The following TXLNB variants were observed in gnomAD, a reference collection of about 807,000 sequenced individuals.
TXLNB encodes the protein taxilin beta.
In TXLNB, 37 loss-of-function variants were observed where a neutral mutation model predicts 57.4. The ratio of observed to expected loss-of-function variants is 0.64; its 90% CI spans 0.50 to 0.85. TXLNB has a LOEUF of 0.85. TXLNB is among the 40% of genes least tolerant of loss of function. TXLNB has a pLI of 0.00. For synonymous variants in TXLNB, 302 were observed against 309.6 expected (o/e 0.98, Z 0.26); for missense variants, 848 against 825.6 (o/e 1.03, Z -0.33).
chr6:139,174,693 A>C, the TXLNB span: 3 of 1,109,700 alleles, frequency 2.7e-6, no homozygotes, highest in Admixed American at 9.5e-5. Context: ...GTGGAATACT[A>C]TTCAGTCATT....
At chr6:139,272,828 G>T (rs1167280032) in intron 3 of TXLNB, among the ~76,000 whole-genome samples, 1 of 152,174 alleles carries the variant, frequency 6.6e-6, no homozygotes. Flanking sequence ...GAAGTCAGGA[G>T]ATGGAGACCA....
chr6:139,281,057 T>TA (rs911576977), intron 2 of TXLNB, among the ~76,000 whole-genome samples: 12 of 150,282 alleles, frequency 8.0e-5, no homozygotes, highest in African/African-American at 2.3e-4. Context: ...TTTATTTATT[T>TA]TTTTATTTTT....
At chr6:139,193,822 T>TTTTATA in the TXLNB span, among the ~76,000 whole-genome samples, 216 of 92,574 alleles carry the variant, frequency 2.3e-3, 2 homozygotes, top group South Asian at 8.3e-3. Flanking sequence ...CCTGGCTAAT[T>TTTTATA]TATATATATA....
At chr6:139,308,589 G>A in the TXLNB span, among the ~76,000 whole-genome samples, 1,201 of 152,224 alleles carry the variant, frequency 7.9e-3, 14 homozygotes, top group African/African-American at 0.028. Flanking sequence ...TATTGTGTAT[G>A]GACTATGTCG....
the TXLNB span, among the ~76,000 whole-genome samples, chr6:139,316,669 C>CA: frequency 6.6e-6 from 1 of 152,072 alleles, no homozygotes; most frequent in Non-Finnish European, 1.5e-5. Flanking sequence ...ACAAGAATAA[C>CA]AAAAAAGCCT....
Position 139,241,078 on chromosome 6 carries a change from C to T in TXLNB, c.*1448G>A, listed in dbSNP as rs1775922807. 1 of 152,114 alleles carries T rather than the reference C, an allele frequency of 6.6e-6. No individual in the cohort carries two copies. Among genetic ancestry groups the T allele is most frequent in the Non-Finnish European group, 1.5e-5 (1 of 68,038 alleles). 9.4% of individuals were successfully genotyped at this position (152,114 alleles called of 1,614,324 possible). On this transcript the variant is annotated 3_prime_UTR_variant, in exon 10 of 10. Transcript: ENST00000358430. The stretch of plus-strand genomic sequence containing the variant: ...CCTAGGTAATTTATGTTGTCAGTAT[C>T]ATTAGAGGTTCTCATCAAGCAATGT...
In TXLNB at chr6:139,242,900, G is replaced by A. The variant is rs1307791712; in HGVS notation, c.1681C>T (p.Pro561Ser). 3 of 1,614,046 alleles carry A rather than the reference G, an allele frequency of 1.9e-6. No homozygotes were observed. Among genetic ancestry groups the A allele is most frequent in the South Asian group, 1.1e-5 (1 of 91,092 alleles). ...CTGCCTCCTTCGGCTTCAGCCTGAG[G>A]AGTTAGGGGAGGCAGGGGACTCTCT... ...DSESPLPPLT[P>S]QAEAEGGSDA... The change falls in exon 10 of 10, where the codon CCT (proline) becomes TCT (serine). Residue 561 changes from proline (P) to serine (S), a missense_variant. Physicochemically the swap from Pro to Ser is moderately conservative, Grantham distance 74 (BLOSUM62 -1). Transcript: ENST00000358430.
Position 139,262,677 on chromosome 6 carries a change from C to T in TXLNB, c.784G>A (p.Glu262Lys), listed in dbSNP as rs1190887854. The T allele has an allele frequency of 3.7e-6, 6 of 1,614,164 alleles. No individual in the cohort carries two copies. Among genetic ancestry groups the T allele is most frequent in the South Asian group, 1.1e-5 (1 of 91,076 alleles). The change falls in exon 5 of 10, where the codon GAG (glutamate) becomes AAG (lysine). Residue 262 changes from glutamate to lysine, a missense_variant. Physicochemically the swap from Glu to Lys is moderately conservative, Grantham distance 56. Coordinates refer to ENST00000358430, the MANE Select transcript of TXLNB (RefSeq NM_153235.4). ...TTCATATTTCGCTCACTCTGCTGCT[C>T]GATCTGGCCCTGGATGTCCGTGAGG... Reference protein sequence around the residue: ...STLTDIQGQIEQQSERNMKLC... With the variant: ...STLTDIQGQIKQQSERNMKLC...
chr6:139,294,481 G>A (rs1175282699), upstream of TXLNB, among the ~76,000 whole-genome samples: 1 of 152,108 alleles, frequency 6.6e-6, no homozygotes, highest in Non-Finnish European at 1.5e-5. Context: ...GATGGTATGA[G>A]GAGGTGGGGC....
At chr6:139,253,424 G>A (rs888310007) in intron 7 of TXLNB, among the ~76,000 whole-genome samples, 3 of 152,168 alleles carry the variant, frequency 2.0e-5, no homozygotes, top group African/African-American at 4.8e-5. Flanking sequence ...TTTTGGAAAC[G>A]CTGAAAAGTC....
At chr6:139,219,439 G>A in the TXLNB span, among the ~76,000 whole-genome samples, 1 of 152,208 alleles carries the variant, frequency 6.6e-6, no homozygotes, top group Non-Finnish European at 1.5e-5. Flanking sequence ...GTATGTTTGG[G>A]CAAGCAGGAA....
downstream of TXLNB, among the ~76,000 whole-genome samples, chr6:139,235,078 T>A (rs945253427): frequency 1.3e-5 from 2 of 152,228 alleles, no homozygotes; most frequent in Non-Finnish European, 2.9e-5. Context: ...AGCCCCTTTG[T>A]TATGGCCAAT....
At chr6:139,295,517 C>T (rs1777372887), upstream of TXLNB, among the ~76,000 whole-genome samples, 1 of 152,168 alleles carries the variant, frequency 6.6e-6, no homozygotes, top group African/African-American at 2.4e-5. Context: ...TGTTCTTCCA[C>T]CTTCCTCCAA....
chr6:139,286,642 G>A (rs902132196), intron 2 of TXLNB, among the ~76,000 whole-genome samples: 5 of 152,190 alleles, frequency 3.3e-5, no homozygotes, highest in African/African-American at 1.2e-4. Flanking sequence ...AGGCGACAGA[G>A]CAAAACTTCA....
the TXLNB span, among the ~76,000 whole-genome samples, chr6:139,223,130 T>G: frequency 6.6e-6 from 1 of 152,222 alleles, no homozygotes; most frequent in Non-Finnish European, 1.5e-5. Flanking sequence ...AGTCCATGAC[T>G]GTAACACAAT....
chr6:139,259,295 A>C (rs888828863), intron 6 of TXLNB, among the ~76,000 whole-genome samples: 1 of 152,178 alleles, frequency 6.6e-6, no homozygotes, highest in Non-Finnish European at 1.5e-5. Flanking sequence ...GTACTTTCCC[A>C]TTGTATTTAG....
intron 5 of TXLNB, 101 bp from the exon 6 acceptor site, chr6:139,260,538 G>A (rs1297653827): frequency 1.5e-6 from 2 of 1,302,834 alleles, no homozygotes; most frequent in South Asian, 1.4e-5. Context: ...CAGGTTTTAA[G>A]ATTTAAAAGA....
chr6:139,179,748 G>A, the TXLNB span: 1 of 152,038 alleles, frequency 6.6e-6, no homozygotes, highest in Non-Finnish European at 1.5e-5. Flanking sequence ...GATTGGAATT[G>A]GAATATATCA....
chr6:139,255,134 T>C (rs1776303346), intron 7 of TXLNB, among the ~76,000 whole-genome samples: 1 of 152,214 alleles, frequency 6.6e-6, no homozygotes, highest in South Asian at 2.1e-4. Flanking sequence ...ATTTTCTTTT[T>C]ATGATAAATA....
Sources: gnomAD v4.1 joint callset for allele counts (sites outside exome capture counted in the v4.1 genomes callset) on GRCh38, gnomAD v4.1.1 for gene constraint, MANE v1.5 for transcripts, NCBI Gene and HGNC (gene_info 2026-07-23, HGNC 2026-07-21) for gene names.